PDE11A: variants seen among roughly 807,000 people sequenced by gnomAD.
PDE11A encodes dual 3',5'-cyclic-AMP and -GMP phosphodiesterase 11A.
PDE11A carries 100 observed loss-of-function variants against 100.5 expected under a neutral mutation model. The observed-to-expected ratio is 1.00, with a 90% confidence interval of 0.85 to 1.18. The LOEUF (loss-of-function observed/expected upper bound fraction) is 1.18, where lower values mean the gene tolerates loss of function less well. Ranked by LOEUF, PDE11A falls within the 50% of genes most tolerant of loss-of-function variation. The pLI, the probability that PDE11A is intolerant of heterozygous loss-of-function variation, is 0.00. For missense variants in PDE11A, 1,141 were observed against 1,152.6 expected, an observed-to-expected ratio of 0.99 and a Z score of 0.15; for synonymous variants, 381 against 420.8, an observed-to-expected ratio of 0.91 and a Z score of 1.16.
rs369172614 is a variant in PDE11A, at chr2:177,669,468, C to A, written c.2562+25G>T. 1.7e-4 allele frequency: 157 copies of A among 917,432 alleles called. No individual in the cohort carries two copies. In the African/African-American group the frequency reaches 2.3e-3, roughly 13 times the overall value. 56.8% of individuals were successfully genotyped at this position (917,432 alleles called of 1,614,324 possible). A position where few individuals can be genotyped will look rare whatever the true frequency, so the allele number is the denominator to read the frequency against. ...AAAATGTCATTCAAAAGGGTAAATA[C>A]GTTATAATTAAAGGATGAACTCACT... On this transcript the variant is annotated intron_variant, in intron 18 of 19. Transcript: ENST00000286063.
chr2:177,653,621 G>A (rs2080341583), intron 19 of PDE11A, among the ~76,000 whole-genome samples: 2 of 152,160 alleles, frequency 1.3e-5, no homozygotes, highest in South Asian at 4.1e-4. Flanking sequence ...AAGGTCATGT[G>A]AAAACACAGA....
chr2:177,872,065 C>T (rs1331977210), intron 5 of PDE11A, among the ~76,000 whole-genome samples: 1 of 152,180 alleles, frequency 6.6e-6, no homozygotes, highest in East Asian at 1.9e-4. Flanking sequence ...TTTTAACCCA[C>T]TCCCACCACT....
chr2:177,933,706 G>A (rs1321457484), intron 2 of PDE11A, among the ~76,000 whole-genome samples: 1 of 151,928 alleles, frequency 6.6e-6, no homozygotes, highest in East Asian at 1.9e-4. Flanking sequence ...TAAATAGCCA[G>A]TGGTATTACT....
intron 5 of PDE11A, among the ~76,000 whole-genome samples, chr2:177,843,145 T>A (rs1430337452): frequency 2.0e-5 from 3 of 152,202 alleles, no homozygotes; most frequent in South Asian, 2.1e-4. Context: ...ACTAATTTGT[T>A]TTGTCCTCAG....
At chr2:177,678,782 G>A (rs1283737609) in intron 16 of PDE11A, among the ~76,000 whole-genome samples, 1 of 152,128 alleles carries the variant, frequency 6.6e-6, no homozygotes, top group East Asian at 1.9e-4. Flanking sequence ...AAAACAGTTT[G>A]AAAATCTCTG....
intron 1 of PDE11A, among the ~76,000 whole-genome samples, chr2:178,055,773 T>TA (rs1280424965): frequency 6.6e-6 from 1 of 152,202 alleles, no homozygotes; most frequent in Non-Finnish European, 1.5e-5. Context: ...GATGCTCCTT[T>TA]ATTCACGTTT....
rs3056858 is a variant in PDE11A at position 177,641,426 on chromosome 2, C to CAAAAA, written c.2647-11869_2647-11865dup. On this transcript the variant is annotated intron_variant, in intron 19 of 19. Transcript: ENST00000286063. ...TATGCATTTTCACGTTTTACTGAGT[C>CAAAAA]AAAAAAAAAAAAAAAGCTAGACTCC... is the stretch of plus-strand genomic sequence containing the variant. 3.4e-4 allele frequency among the ~76,000 whole-genome samples: 46 copies of CAAAAA among 136,022 alleles called. 1 individual carries two copies. Among genetic ancestry groups the CAAAAA allele is most frequent in the South Asian group, 1.2e-3 (5 of 4,270 alleles). The allele number at this position is 136,022 out of a possible 152,430, so 89.2% of individuals were successfully genotyped here. A position where few individuals can be genotyped will look rare whatever the true frequency, so the allele number is the denominator to read the frequency against.
At chr2:177,805,630 A>G (rs1340999968) in intron 9 of PDE11A, among the ~76,000 whole-genome samples, 1 of 152,192 alleles carries the variant, frequency 6.6e-6, no homozygotes, top group Non-Finnish European at 1.5e-5. Flanking sequence ...AATGTATAAA[A>G]CAAGAAATAT....
chr2:177,929,017 A>G (rs1011080582), intron 2 of PDE11A, among the ~76,000 whole-genome samples: 1 of 152,172 alleles, frequency 6.6e-6, no homozygotes, highest in Non-Finnish European at 1.5e-5. Flanking sequence ...GATTAAAAAA[A>G]ATGAAATCTT....
At chr2:177,959,118 A>G (rs982713583) in intron 2 of PDE11A, among the ~76,000 whole-genome samples, 1 of 152,184 alleles carries the variant, frequency 6.6e-6, no homozygotes, top group Non-Finnish European at 1.5e-5. Context: ...GGGAAGGGGT[A>G]TTGAGTGAAA....
chr2:177,675,580 C>A (rs2080760235), intron 16 of PDE11A, 62 bp from the exon 17 acceptor site: 2 of 1,170,176 alleles, frequency 1.7e-6, no homozygotes, highest in East Asian at 4.8e-5. Flanking sequence ...TAAACAAACC[C>A]GTCCTAGATA....
intron 9 of PDE11A, among the ~76,000 whole-genome samples, chr2:177,774,352 C>T (rs1406063515): frequency 6.6e-6 from 1 of 152,216 alleles, no homozygotes. Context: ...CTGCCCCCAC[C>T]TCTCCACTGG....
chr2:177,738,560 A>G (rs1160707973), intron 10 of PDE11A, among the ~76,000 whole-genome samples: 2 of 152,184 alleles, frequency 1.3e-5, no homozygotes, highest in Non-Finnish European at 2.9e-5. Context: ...GGTTCTGCTC[A>G]GACCTACTAT....
chr2:178,042,677 C>T (rs2086699157), intron 1 of PDE11A, among the ~76,000 whole-genome samples: 1 of 152,106 alleles, frequency 6.6e-6, no homozygotes, highest in Non-Finnish European at 1.5e-5. Context: ...AGTTTCTAGT[C>T]TCCCCACAAT....
chr2:177,829,505 A>G (rs2083277126), intron 6 of PDE11A, among the ~76,000 whole-genome samples: 2 of 151,934 alleles, frequency 1.3e-5, no homozygotes, highest in African/African-American at 4.8e-5. Context: ...ATGCAGTGGC[A>G]TGATCTCGGC....
chr2:177,683,896 C>A (rs777694765), intron 15 of PDE11A, among the ~76,000 whole-genome samples: 1 of 152,148 alleles, frequency 6.6e-6, no homozygotes, highest in Non-Finnish European at 1.5e-5. Context: ...AGTAATTTCA[C>A]ATTGCTGAGC....
rs200098365 is a variant in PDE11A, at chr2:177,864,755, G to GT, written c.1367+11103dup. Among the ~76,000 whole-genome samples the GT allele has an allele frequency of 7.2e-3, 1,101 of 152,222 alleles. 12 individuals are homozygous for GT. Among genetic ancestry groups the GT allele is most frequent in the African/African-American group, 0.025 (1,025 of 41,532 alleles). ...AATGATCTTAAGTAACATGAACTATGTTTTGGGGTGACTAATGGATGGGAT... is the reference window on the plus strand; with the variant it reads ...AATGATCTTAAGTAACATGAACTATGTTTTTGGGGTGACTAATGGATGGGAT... On this transcript the variant is annotated intron_variant, in intron 5 of 19. Transcript: ENST00000286063.
chr2:177,905,162 C>T lies in PDE11A; in HGVS notation c.1097G>A (p.Cys366Tyr), dbSNP rs763027501. The T allele has an allele frequency of 1.2e-6, 2 of 1,606,416 alleles. No homozygotes were observed. The highest frequency in any genetic ancestry group is 1.1e-5 in the South Asian group (1 of 90,932). ...CTGAGCGTTAGATATGGCGATTCCA[C>T]AAAATGGAAGATACATCTGCATAAC... is the stretch of plus-strand genomic sequence containing the variant. Reference protein sequence around the residue: ...EKVMQMYLPFCGIAISNAQLF... With the variant: ...EKVMQMYLPFYGIAISNAQLF... The change falls in exon 3 of 20, where the codon TGT (cysteine) becomes TAT (tyrosine). Residue 366 changes from cysteine to tyrosine, a missense_variant. Transcript: ENST00000286063.
At chr2:178,091,305 A>G (rs921641036) in intron 2 of PDE11A, among the ~76,000 whole-genome samples, 2 of 152,164 alleles carry the variant, frequency 1.3e-5, no homozygotes, top group African/African-American at 4.8e-5. Context: ...TCCTGGGCTC[A>G]AGCGATCTGT....
Sources: allele counts gnomAD v4.1 joint callset (sites outside exome capture counted in the v4.1 genomes callset), GRCh38; gene constraint gnomAD v4.1.1; transcripts MANE v1.5; gene names NCBI Gene and HGNC (gene_info 2026-07-23, HGNC 2026-07-21).